Variants in PIEZO2 observed in about 807,000 individuals in gnomAD.
PIEZO2 encodes piezo-type mechanosensitive ion channel component 2.
Under a neutral mutation model 337.3 loss-of-function variants are expected in PIEZO2, and 172 were observed. That is an observed-to-expected ratio of 0.51 (90% CI 0.45 to 0.58). The LOEUF (loss-of-function observed/expected upper bound fraction) is 0.58, where lower values mean the gene tolerates loss of function less well. Ranked by LOEUF, PIEZO2 falls within the 20% of genes least tolerant of loss-of-function variation. PIEZO2 has a pLI of 0.00. For synonymous variants in PIEZO2, 1,251 were observed against 1,228.5 expected, an observed-to-expected ratio of 1.02 and a Z score of -0.38; for missense variants, 3,028 against 3,391.3, an observed-to-expected ratio of 0.89 and a Z score of 2.66.
At chr18:10,702,260 A>C in intron 42 of PIEZO2, 89 bp from the exon 43 acceptor site, 3 of 1,265,140 alleles carry the variant, frequency 2.4e-6, no homozygotes, top group Non-Finnish European at 3.2e-6. Context: ...AACAATTAAG[A>C]AAGAGACCCG....
chr18:11,018,647 A>T (rs1176601592), intron 2 of PIEZO2, among the ~76,000 whole-genome samples: 1 of 152,118 alleles, frequency 6.6e-6, no homozygotes, highest in Non-Finnish European at 1.5e-5. Context: ...CTCCTAATAA[A>T]GATATTTCTA....
intron 4 of PIEZO2, among the ~76,000 whole-genome samples, chr18:10,892,470 G>C (rs759312100): frequency 6.6e-6 from 1 of 152,178 alleles, no homozygotes; most frequent in East Asian, 1.9e-4. Flanking sequence ...GCCACGGGCT[G>C]GGGGAAGAGG....
intron 55 of PIEZO2, 63 bp from the exon 56 acceptor site, chr18:10,671,842 T>A: frequency 7.3e-7 from 1 of 1,376,062 alleles, no homozygotes; most frequent in Non-Finnish European, 9.7e-7. Context: ...AAGAAAAGCA[T>A]GTCTAAAAGA....
chr18:11,059,189 T>A (rs2037844550), intron 2 of PIEZO2, among the ~76,000 whole-genome samples: 1 of 151,884 alleles, frequency 6.6e-6, no homozygotes, highest in African/African-American at 2.4e-5. Flanking sequence ...TAAAATACTT[T>A]ACAGACAAGC....
intron 39 of PIEZO2, among the ~76,000 whole-genome samples, chr18:10,710,275 T>A (rs1296162313): frequency 6.6e-6 from 1 of 152,074 alleles, no homozygotes; most frequent in Non-Finnish European, 1.5e-5. Flanking sequence ...AACTAATACA[T>A]CACACAATCC....
At position 10,828,114 on chromosome 18, in the gene PIEZO2, CG is replaced by C. The variant is rs2040731332; in HGVS notation, c.918-20841del. Among the ~76,000 whole-genome samples, 1 of 140,594 alleles carries C rather than the reference CG, an allele frequency of 7.1e-6. No individual in the cohort carries two copies. Among genetic ancestry groups the C allele is most frequent in the Admixed American group, 7.2e-5 (1 of 13,940 alleles). 92.2% of individuals were successfully genotyped at this position (140,594 alleles called of 152,430 possible). ...CCTAGACAAGCTCGAAATAGCATGA[CG>C]GTTTTTTTTTGTTTGTTTGTTTTTG... On this transcript the variant is annotated intron_variant, in intron 7 of 55. Coordinates refer to ENST00000674853, the MANE Select transcript of PIEZO2 (RefSeq NM_001378183.1). This position sits in a 1 kb window ranked among gnomAD's most constrained non-coding sequence, Gnocchi z 4.1.
At chr18:10,684,349 T>C (rs1417170671) in intron 49 of PIEZO2, among the ~76,000 whole-genome samples, 2 of 149,946 alleles carry the variant, frequency 1.3e-5, no homozygotes, top group Non-Finnish European at 3.0e-5. Flanking sequence ...GTATTTTTAG[T>C]AGAGACAGGG....
chr18:10,879,391 CTT>C (rs11385433), intron 4 of PIEZO2, among the ~76,000 whole-genome samples: 2 of 106,020 alleles, frequency 1.9e-5, no homozygotes. Flanking sequence ...CCTTTCCAAT[CTT>C]TTTTTTTTTT....
intron 52 of PIEZO2, among the ~76,000 whole-genome samples, chr18:10,678,979 C>T (rs1165159950): frequency 6.8e-6 from 1 of 147,910 alleles, no homozygotes; most frequent in East Asian, 2.0e-4. Context: ...GTCACTCAGG[C>T]TGGAGTGCAG....
In PIEZO2 at chr18:11,148,795, T is replaced by A; in HGVS notation, c.-207A>T. Reference sequence around the variant, plus strand: ...CGCCCCTCGCCCACCGGGCTCTGGGTAGCCCCTCACCAGGCTCTTGGCGGC... The same window carrying A: ...CGCCCCTCGCCCACCGGGCTCTGGGAAGCCCCTCACCAGGCTCTTGGCGGC... On this transcript the variant is annotated 5_prime_UTR_variant, in exon 1 of 56. Transcript: ENST00000674853. The surrounding 1 kb of genome is among the most constrained non-coding windows in gnomAD (Gnocchi z 5.2). 2.0e-6 allele frequency: 1 copy of A among 510,076 alleles called. No individual in the cohort carries two copies. The highest frequency in any genetic ancestry group is 3.4e-6 in the Non-Finnish European group (1 of 295,130). The allele number at this position is 510,076 out of a possible 1,614,324, so 31.6% of individuals were successfully genotyped here. A position where few individuals can be genotyped will look rare whatever the true frequency, so the allele number is the denominator to read the frequency against.
At chr18:10,764,466 C>G (rs1183661141) in intron 21 of PIEZO2, among the ~76,000 whole-genome samples, 1 of 151,990 alleles carries the variant, frequency 6.6e-6, no homozygotes, top group Non-Finnish European at 1.5e-5. Context: ...ATGGTGAAAC[C>G]CCGTCTCTAC....
At chr18:11,147,289 G>A (rs1272442088) in intron 1 of PIEZO2, among the ~76,000 whole-genome samples, 1 of 152,048 alleles carries the variant, frequency 6.6e-6, no homozygotes, top group Non-Finnish European at 1.5e-5. Flanking sequence ...CTGCTGCCCC[G>A]GGACCCCGCC....
intron 4 of PIEZO2, among the ~76,000 whole-genome samples, chr18:10,883,350 T>A (rs1054706085): frequency 6.6e-6 from 1 of 152,194 alleles, no homozygotes; most frequent in African/African-American, 2.4e-5. Context: ...CATACTGTTC[T>A]CCATAATGGC....
At chr18:10,939,090 T>A (rs898768382) in intron 3 of PIEZO2, among the ~76,000 whole-genome samples, 28 of 149,096 alleles carry the variant, frequency 1.9e-4, no homozygotes, top group African/African-American at 6.3e-4. Flanking sequence ...AAAAAAAAAA[T>A]GTAAGTTTAC....
rs775135296 is a variant in PIEZO2, at chr18:10,962,005, T to C, written c.286+17530A>G. 1.4e-4 allele frequency among the ~76,000 whole-genome samples: 21 copies of C among 152,196 alleles called. No homozygotes were observed. Among genetic ancestry groups the C allele is most frequent in the South Asian group, 6.2e-4 (3 of 4,828 alleles). Reference sequence around the variant, plus strand: ...GTGTGTATAAATTCAGGTGAACTGCTGCACTCTGTGGGCTCTGTGTAAAGC... The same window carrying C: ...GTGTGTATAAATTCAGGTGAACTGCCGCACTCTGTGGGCTCTGTGTAAAGC... On this transcript the variant is annotated intron_variant, in intron 3 of 55. Coordinates refer to ENST00000674853, the MANE Select transcript of PIEZO2 (RefSeq NM_001378183.1). The surrounding 1 kb of genome is among the most constrained non-coding windows in gnomAD (Gnocchi z 4.1).
intron 48 of PIEZO2, among the ~76,000 whole-genome samples, chr18:10,690,529 G>C (rs2034766622): frequency 6.6e-6 from 1 of 152,162 alleles, no homozygotes; most frequent in Non-Finnish European, 1.5e-5. Flanking sequence ...AGCAACATCA[G>C]GCCCAGTCAC....
At position 10,752,852 on chromosome 18, in the gene PIEZO2, G is replaced by A; in HGVS notation, c.3951C>T (p.Ile1317=). 6.5e-7 allele frequency: 1 copy of A among 1,536,994 alleles called. No individual in the cohort carries two copies. Among genetic ancestry groups the A allele is most frequent in the Non-Finnish European group, 8.7e-7 (1 of 1,146,872 alleles). ...CAAACCAGAAGAGGTAGCTGAAGAT[G>A]ATCACTTTGGACATGTCTAAGTAAG... ...CRSYLDMSKV[I]IFSYLFWFVL... is the part of the protein sequence containing the mutation. Residue 1317 remains isoleucine (I), a synonymous_variant, in exon 28 of 56, where the codon ATC becomes ATT. Transcript: ENST00000674853.
intron 2 of PIEZO2, among the ~76,000 whole-genome samples, chr18:11,015,721 G>A (rs779419522): frequency 6.6e-6 from 1 of 152,088 alleles, no homozygotes; most frequent in African/African-American, 2.4e-5. Flanking sequence ...GAACAGGAAC[G>A]ACTCTTGCAG....
intron 4 of PIEZO2, among the ~76,000 whole-genome samples, chr18:10,886,976 C>T (rs777462607): frequency 9.3e-5 from 14 of 150,754 alleles, no homozygotes; most frequent in Middle Eastern, 3.2e-3. Context: ...TCAATCGTGG[C>T]AGAAGGTAAA....
Sources: gnomAD v4.1 joint callset for allele counts (sites outside exome capture counted in the v4.1 genomes callset) on GRCh38, gnomAD v4.1.1 for gene constraint, Gnocchi (gnomAD v3.1) non-coding constraint, MANE v1.5 for transcripts, NCBI Gene and HGNC (gene_info 2026-07-23, HGNC 2026-07-21) for gene names.